Variants in DPP10 observed in about 807,000 individuals in gnomAD.
DPP10 encodes the protein inactive dipeptidyl peptidase 10.
A neutral mutation model predicts 120.9 loss-of-function variants in DPP10; 33 were observed. The observed-to-expected ratio is 0.27, with a 90% CI of 0.21 to 0.37. The LOEUF is 0.37. Ranked by LOEUF, DPP10 falls within the 10% of genes least tolerant of loss-of-function variation. The pLI, the probability that DPP10 is intolerant of heterozygous loss-of-function variation, is 1.00. For synonymous variants in DPP10, 337 were observed against 326.1 expected, an observed-to-expected ratio of 1.03 and a Z score of -0.36; for missense variants, 816 against 942.8, an observed-to-expected ratio of 0.87 and a Z score of 1.76.
In DPP10 at chr2:115,741,545, G is replaced by A. The variant is rs74906588; in HGVS notation, c.852+1652G>A. 6.1e-3 allele frequency among the ~76,000 whole-genome samples: 924 copies of A among 151,442 alleles called. 50 individuals are homozygous for A. The East Asian group carries it at 0.15, about 25-fold the overall frequency. ...TTAATTCTCACATTGTTTGATTTAT[G>A]ATAATAAATGTTCACCTGACAATTT... is the stretch of plus-strand genomic sequence containing the variant. On this transcript the variant is annotated intron_variant, in intron 9 of 25. Transcript: ENST00000410059.
At chr2:115,024,718 A>G (rs2105200576) in intron 1 of DPP10, among the ~76,000 whole-genome samples, 1 of 147,714 alleles carries the variant, frequency 6.8e-6, no homozygotes, top group Non-Finnish European at 1.5e-5. Flanking sequence ...TGTTAAATAT[A>G]TTTGTATAAA....
At chr2:114,890,796 C>T (rs563840785) in intron 1 of DPP10, among the ~76,000 whole-genome samples, 98 of 152,188 alleles carry the variant, frequency 6.4e-4, no homozygotes, top group Non-Finnish European at 1.2e-3. Flanking sequence ...ATGTTTAGAG[C>T]ACGGTAGCAG....
chr2:115,415,477 G>A (rs1029803344), intron 3 of DPP10, among the ~76,000 whole-genome samples: 2 of 152,038 alleles, frequency 1.3e-5, no homozygotes, highest in African/African-American at 4.8e-5. Context: ...ATGGTCATAG[G>A]TAAACTGAAA....
At chr2:114,971,271 A>AT (rs1375671111) in intron 1 of DPP10, among the ~76,000 whole-genome samples, 2 of 152,094 alleles carry the variant, frequency 1.3e-5, no homozygotes, top group African/African-American at 2.4e-5. Context: ...TCACAAAGTG[A>AT]TTTTTTACAG....
intron 12 of DPP10, among the ~76,000 whole-genome samples, chr2:115,765,987 G>A (rs1382699173): frequency 6.6e-6 from 1 of 151,876 alleles, no homozygotes; most frequent in Non-Finnish European, 1.5e-5. Context: ...AAATCAAACT[G>A]TTCAGTATAT....
chr2:114,932,115 G>A (rs369207075), intron 1 of DPP10, among the ~76,000 whole-genome samples: 1 of 152,172 alleles, frequency 6.6e-6, no homozygotes, highest in African/African-American at 2.4e-5. Context: ...CAGCATCTGT[G>A]TGTCCTAGAA....
At chr2:114,945,443 C>T (rs2104602061) in intron 1 of DPP10, among the ~76,000 whole-genome samples, 1 of 152,238 alleles carries the variant, frequency 6.6e-6, no homozygotes, top group Middle Eastern at 3.4e-3. Flanking sequence ...AGACATCTCA[C>T]CAATGAAAGT....
At chr2:114,914,380 A>G (rs1357836066) in intron 1 of DPP10, among the ~76,000 whole-genome samples, 1 of 152,234 alleles carries the variant, frequency 6.6e-6, no homozygotes, top group Non-Finnish European at 1.5e-5. Context: ...AACTTTAGAA[A>G]CTAGAAGAGT....
chr2:115,330,358 C>G (rs1488159708), intron 2 of DPP10, among the ~76,000 whole-genome samples: 4 of 151,534 alleles, frequency 2.6e-5, no homozygotes, highest in Non-Finnish European at 5.9e-5. Context: ...GAGTAGATTG[C>G]AAAAATTTTC....
chr2:115,325,747 G>A (rs1314342524), intron 2 of DPP10, among the ~76,000 whole-genome samples: 1 of 151,992 alleles, frequency 6.6e-6, no homozygotes, highest in Non-Finnish European at 1.5e-5. Flanking sequence ...CAAAATAAAT[G>A]GTATTGTTTC....
chr2:115,836,481 C>G (rs373470069), intron 22 of DPP10, 26 bp from the exon 23 acceptor site: 2 of 1,602,380 alleles, frequency 1.2e-6, no homozygotes, highest in East Asian at 4.5e-5. Flanking sequence ...AGTTTCTTCT[C>G]GAATGTCTGT....
chr2:114,623,989 T>C (rs1483230969), intron 1 of DPP10, among the ~76,000 whole-genome samples: 5 of 152,032 alleles, frequency 3.3e-5, no homozygotes, highest in South Asian at 2.1e-4. Flanking sequence ...ATGGTACTCA[T>C]AGGATTGTTA....
At chr2:115,799,495 A>G (rs1352825896) in intron 19 of DPP10, among the ~76,000 whole-genome samples, 2 of 151,966 alleles carry the variant, frequency 1.3e-5, no homozygotes, top group African/African-American at 4.8e-5. Context: ...CAGGTTTCTT[A>G]CATATGTATA....
At chr2:114,601,366 T>C (rs1692352258) in intron 1 of DPP10, among the ~76,000 whole-genome samples, 1 of 151,956 alleles carries the variant, frequency 6.6e-6, no homozygotes, top group African/African-American at 2.4e-5. Context: ...TATTTCTTAT[T>C]CCATAATCTC....
intron 21 of DPP10, among the ~76,000 whole-genome samples, chr2:115,835,774 A>G (rs376992930): frequency 1.3e-5 from 2 of 152,290 alleles, no homozygotes; most frequent in African/African-American, 4.8e-5. Flanking sequence ...TTATTAAATT[A>G]GTGGAAAATT....
chr2:115,148,791 A>G (rs1422810079), intron 1 of DPP10, among the ~76,000 whole-genome samples: 1 of 152,174 alleles, frequency 6.6e-6, no homozygotes. Context: ...CAAAGAATGA[A>G]ATCTTGCTAG....
At chr2:115,538,020 A>C (rs1320111093) in intron 5 of DPP10, among the ~76,000 whole-genome samples, 3 of 152,044 alleles carry the variant, frequency 2.0e-5, no homozygotes, top group Admixed American at 6.6e-5. Context: ...CAAGGGAGCC[A>C]GGCAGAGTCT....
chr2:115,566,103 G>C (rs2149070467), intron 5 of DPP10, among the ~76,000 whole-genome samples: 1 of 152,038 alleles, frequency 6.6e-6, no homozygotes, highest in African/African-American at 2.4e-5. Flanking sequence ...ATGTATTTTT[G>C]ACAATAATAC....
chr2:114,587,352 C>T (rs989855676), intron 1 of DPP10, among the ~76,000 whole-genome samples: 3 of 150,214 alleles, frequency 2.0e-5, no homozygotes. Context: ...CACACACAGA[C>T]ACACACAGCC....
Sources: allele counts gnomAD v4.1 joint callset (sites outside exome capture counted in the v4.1 genomes callset), GRCh38; gene constraint gnomAD v4.1.1; transcripts MANE v1.5; gene names NCBI Gene and HGNC (gene_info 2026-07-23, HGNC 2026-07-21).